Variants in FAM227A observed in about 807,000 individuals in gnomAD.
The protein encoded by FAM227A is family with sequence similarity 227 member A.
In FAM227A, 80 loss-of-function variants were observed where a neutral mutation model predicts 74.7. The ratio of observed to expected loss-of-function variants is 1.07; its 90% CI spans 0.89 to 1.29. The LOEUF (loss-of-function observed/expected upper bound fraction) is 1.29, where lower values mean the gene tolerates loss of function less well. FAM227A is among the 50% of genes most tolerant of loss of function. FAM227A has a pLI of 0.00. For missense variants in FAM227A, 654 were observed against 683.4 expected, an observed-to-expected ratio of 0.96 and a Z score of 0.48; for synonymous variants, 237 against 241.8, an observed-to-expected ratio of 0.98 and a Z score of 0.19.
intron 13 of FAM227A, among the ~76,000 whole-genome samples, chr22:38,604,092 C>T (rs918654629): frequency 2.6e-5 from 4 of 151,892 alleles, no homozygotes; most frequent in Non-Finnish European, 5.9e-5. Context: ...TTTGGGAGGC[C>T]GAAGGGGGCG....
At chr22:38,609,786 T>C (rs2091372748) in intron 11 of FAM227A, among the ~76,000 whole-genome samples, 1 of 151,944 alleles carries the variant, frequency 6.6e-6, no homozygotes, top group Non-Finnish European at 1.5e-5. Flanking sequence ...TTTTTTTTTG[T>C]TTGAGGTGGA....
intron 13 of FAM227A, among the ~76,000 whole-genome samples, chr22:38,605,031 A>G (rs2091255323): frequency 6.6e-6 from 1 of 152,178 alleles, no homozygotes. Context: ...CAAATTGGGT[A>G]CCTGCTCCCA....
intron 2 of FAM227A, among the ~76,000 whole-genome samples, chr22:38,647,853 G>A (rs1404602848): frequency 6.6e-6 from 1 of 152,148 alleles, no homozygotes; most frequent in Non-Finnish European, 1.5e-5. Flanking sequence ...ATCACAGCAG[G>A]TAAAATGGAC....
chr22:38,592,388 C>G (rs2146154487), intron 15 of FAM227A, among the ~76,000 whole-genome samples: 1 of 152,234 alleles, frequency 6.6e-6, no homozygotes, highest in South Asian at 2.1e-4. Context: ...TCCTTTATTT[C>G]TGAAATATAT....
chr22:38,639,732 A>C lies in FAM227A; in HGVS notation c.226-8T>G. 6.5e-7 allele frequency: 1 copy of C among 1,538,810 alleles called. No homozygotes were observed. The highest frequency in any genetic ancestry group is 8.8e-7 in the Non-Finnish European group (1 of 1,135,134). On this transcript the variant is annotated splice_region_variant and splice_polypyrimidine_tract_variant and intron_variant, in intron 3 of 16. Coordinates refer to ENST00000535113, the MANE Select transcript of FAM227A (RefSeq NM_001013647.2). The stretch of plus-strand genomic sequence containing the variant: ...CTCAAATCTCTCAATTGCCTTCAAA[A>C]ACCAAGAAAAAGGGGGGCATTAGGG...
intron 15 of FAM227A, among the ~76,000 whole-genome samples, chr22:38,595,833 T>C (rs1445001518): frequency 2.0e-5 from 3 of 152,174 alleles, no homozygotes; most frequent in East Asian, 3.8e-4. Context: ...ACCTCTAGCA[T>C]AGACCTAATG....
At chr22:38,647,041 T>C (rs535754186) in intron 2 of FAM227A, among the ~76,000 whole-genome samples, 65 of 151,990 alleles carry the variant, frequency 4.3e-4, no homozygotes, top group African/African-American at 1.5e-3. Context: ...TCCCAGCTAC[T>C]TGGGAGGCTC....
At chr22:38,628,786 A>G in intron 7 of FAM227A, 48 bp downstream of exon 7, 2 of 1,122,688 alleles carry the variant, frequency 1.8e-6, no homozygotes, top group Non-Finnish European at 2.6e-6. Flanking sequence ...TTTGTTCTGT[A>G]GAAAAATAAC....
intron 3 of FAM227A, among the ~76,000 whole-genome samples, chr22:38,644,377 CTACAA>C (rs2092185949): frequency 6.6e-6 from 1 of 151,048 alleles, no homozygotes; most frequent in African/African-American, 2.4e-5. Context: ...CTGTGTGACA[CTACAA>C]TGGTAGATAC....
intron 11 of FAM227A, among the ~76,000 whole-genome samples, chr22:38,610,701 TAAAC>T (rs1387154345): frequency 6.6e-6 from 1 of 151,888 alleles, no homozygotes; most frequent in Non-Finnish European, 1.5e-5. Flanking sequence ...ATCTCAAAAA[TAAAC>T]AATAACAAAA....
intron 13 of FAM227A, 77 bp from the exon 14 acceptor site, chr22:38,599,998 AAG>A: frequency 7.7e-7 from 1 of 1,297,622 alleles, no homozygotes; most frequent in South Asian, 1.6e-5. Context: ...AAAGGCATCA[AAG>A]CACTCATGTC....
intron 11 of FAM227A, among the ~76,000 whole-genome samples, chr22:38,616,283 C>A (rs563417832): frequency 3.3e-5 from 5 of 152,202 alleles, no homozygotes; most frequent in African/African-American, 1.2e-4. Context: ...GGGGTCCCCG[C>A]GCTGTTGGCA....
At chr22:38,617,517 G>A (rs5757181) in intron 11 of FAM227A, among the ~76,000 whole-genome samples, 37,059 of 151,952 alleles carry the variant, frequency 0.24, 5,101 homozygotes, top group East Asian at 0.36. Flanking sequence ...AGATGGTCTC[G>A]ATCTCCTGAC....
intron 2 of FAM227A, among the ~76,000 whole-genome samples, chr22:38,649,448 C>T (rs1224490232): frequency 6.6e-6 from 1 of 150,634 alleles, no homozygotes; most frequent in African/African-American, 2.4e-5. Context: ...CGCCTGTAAT[C>T]CCAGCTACTC....
intron 11 of FAM227A, among the ~76,000 whole-genome samples, chr22:38,614,798 T>C (rs1418416791): frequency 2.6e-5 from 4 of 152,146 alleles, no homozygotes; most frequent in African/African-American, 9.7e-5. Context: ...GAACACACGC[T>C]TGTTTCAAGC....
chr22:38,599,994 A>G (rs1453109603), intron 13 of FAM227A, 73 bp from the exon 14 acceptor site: 1 of 1,329,064 alleles, frequency 7.5e-7, no homozygotes, highest in Non-Finnish European at 1.0e-6. Flanking sequence ...CCAGAAAGGC[A>G]TCAAAGCACT....
intron 2 of FAM227A, among the ~76,000 whole-genome samples, chr22:38,646,889 T>G (rs1200231064): frequency 4.0e-5 from 6 of 151,350 alleles, no homozygotes; most frequent in East Asian, 2.0e-4. Context: ...GGTGGCTCAC[T>G]CCTGTAATCC....
chr22:38,654,615 A>G (rs1210678480), intron 1 of FAM227A, among the ~76,000 whole-genome samples: 1 of 151,904 alleles, frequency 6.6e-6, no homozygotes, highest in African/African-American at 2.4e-5. Context: ...CCTGGGTGAC[A>G]GAATGAGACC....
At chr22:38,651,433 G>A (rs773093769) in intron 1 of FAM227A, among the ~76,000 whole-genome samples, 1 of 152,106 alleles carries the variant, frequency 6.6e-6, no homozygotes, top group Non-Finnish European at 1.5e-5. Flanking sequence ...GAGTGCAGTG[G>A]CGCGATCTTG....
Sources: gnomAD v4.1 joint callset for allele counts (sites outside exome capture counted in the v4.1 genomes callset) on GRCh38, gnomAD v4.1.1 for gene constraint, MANE v1.5 for transcripts, NCBI Gene and HGNC (gene_info 2026-07-23, HGNC 2026-07-21) for gene names.